PHLPP1: variants seen among roughly 807,000 people sequenced by gnomAD.
The protein encoded by PHLPP1 is PH domain and leucine rich repeat protein phosphatase 1, also known as PH domain leucine-rich repeat-containing protein phosphatase 1.
Under a neutral mutation model 117.2 loss-of-function variants are expected in PHLPP1, and 42 were observed. That is an observed-to-expected ratio of 0.36 (90% CI 0.28 to 0.46). The LOEUF (loss-of-function observed/expected upper bound fraction) is 0.46, where lower values mean the gene tolerates loss of function less well. Ranked by LOEUF, PHLPP1 falls within the 20% of genes least tolerant of loss-of-function variation. PHLPP1 has a pLI of 1.00. For missense variants in PHLPP1, 2,084 were observed against 2,241.9 expected (o/e 0.93, Z 1.42); for synonymous variants, 1,042 against 970.7 (o/e 1.07, Z -1.37).
At chr18:62,825,156 G>A (rs184508106) in intron 1 of PHLPP1, among the ~76,000 whole-genome samples, 5 of 151,132 alleles carry the variant, frequency 3.3e-5, no homozygotes, top group Admixed American at 6.6e-5. Flanking sequence ...ACGGGGTTTC[G>A]CCATCTTGGC....
chr18:62,978,192 G>T lies in PHLPP1; in HGVS notation c.3985-70G>T, dbSNP rs550750812. On this transcript the variant is annotated intron_variant, in intron 16 of 16. Transcript: ENST00000262719. This position sits in a 1 kb window ranked among gnomAD's most constrained non-coding sequence, Gnocchi z 7.0. ...TACAGTCGAGACAGTCGAGGGACCC[G>T]CAGGGAACCTGCACAGTTGCCGCAG... The T allele has an allele frequency of 8.2e-5, 73 of 888,502 alleles. No individual in the cohort carries two copies. Among genetic ancestry groups the T allele is most frequent in the Non-Finnish European group, 1.1e-4 (65 of 569,474 alleles). The allele number at this position is 888,502 out of a possible 1,614,324, so 55.0% of individuals were successfully genotyped here.
At chr18:62,866,026 C>A (rs1470821879) in intron 4 of PHLPP1, among the ~76,000 whole-genome samples, 2 of 152,050 alleles carry the variant, frequency 1.3e-5, no homozygotes, top group East Asian at 3.9e-4. Flanking sequence ...TAGCTTTGAA[C>A]TTAAAATAAA....
chr18:62,890,453 A>G (rs1045937877), intron 4 of PHLPP1, among the ~76,000 whole-genome samples: 2 of 151,910 alleles, frequency 1.3e-5, no homozygotes, highest in African/African-American at 4.8e-5. Flanking sequence ...TTTAGTAGAG[A>G]TGGGGTCTCA....
At chr18:62,963,222 A>C in intron 13 of PHLPP1, 146 bp from the exon 14 acceptor site, 2 of 556,102 alleles carry the variant, frequency 3.6e-6, no homozygotes, top group East Asian at 3.0e-5. Flanking sequence ...CTTGTTGCTG[A>C]TAAGTATTTC....
intron 1 of PHLPP1, among the ~76,000 whole-genome samples, chr18:62,803,946 A>G (rs530254452): frequency 2.0e-5 from 3 of 152,080 alleles, no homozygotes; most frequent in Admixed American, 1.3e-4. Flanking sequence ...TAAGATTTTT[A>G]TTGGTTCTAT....
At chr18:62,809,561 G>T (rs1213378959) in intron 1 of PHLPP1, among the ~76,000 whole-genome samples, 1 of 152,112 alleles carries the variant, frequency 6.6e-6, no homozygotes, top group Non-Finnish European at 1.5e-5. Flanking sequence ...AATTAGCTGG[G>T]CGTGGTGGTG....
chr18:62,738,384 C>A (rs1259727199), intron 1 of PHLPP1, among the ~76,000 whole-genome samples: 1 of 151,862 alleles, frequency 6.6e-6, no homozygotes, highest in African/African-American at 2.4e-5. Context: ...AACAAAGCAA[C>A]AATGCAACAA....
At chr18:62,897,213 A>T (rs1008575374) in intron 6 of PHLPP1, among the ~76,000 whole-genome samples, 1 of 152,166 alleles carries the variant, frequency 6.6e-6, no homozygotes, top group Non-Finnish European at 1.5e-5. Context: ...ATGTAGGGAG[A>T]CATCATTTTT....
intron 4 of PHLPP1, among the ~76,000 whole-genome samples, chr18:62,894,561 T>G (rs1036975286): frequency 6.6e-6 from 1 of 152,220 alleles, no homozygotes; most frequent in Admixed American, 6.5e-5. Context: ...ATTGTTTTGA[T>G]AAGTTTTTAT....
chr18:62,766,076 A>AAAAAAAAAAT, intron 1 of PHLPP1, among the ~76,000 whole-genome samples: 4 of 21,646 alleles, frequency 1.8e-4, no homozygotes, highest in Non-Finnish European at 2.5e-4. Context: ...AAAAAAAAAA[A>AAAAAAAAAAT]ATATATATAT....
chr18:62,867,103 A>G (rs181710335), intron 4 of PHLPP1, among the ~76,000 whole-genome samples: 1 of 152,242 alleles, frequency 6.6e-6, no homozygotes, highest in East Asian at 1.9e-4. Flanking sequence ...ATTTTTAAAG[A>G]TCTTAATAAG....
At chr18:62,855,434 G>C (rs183411323) in intron 3 of PHLPP1, among the ~76,000 whole-genome samples, 47 of 152,254 alleles carry the variant, frequency 3.1e-4, no homozygotes, top group African/African-American at 1.1e-3. Flanking sequence ...AACTCTTTGT[G>C]ATAGAGCCCT....
chr18:62,824,923 A>G (rs899320905), intron 1 of PHLPP1, among the ~76,000 whole-genome samples: 1 of 150,334 alleles, frequency 6.7e-6, no homozygotes. Flanking sequence ...AAATGAGCCA[A>G]TATATATACT....
In PHLPP1 at chr18:62,929,404, G is replaced by A. The variant is rs532565258; in HGVS notation, c.2960+9290G>A. Among the ~76,000 whole-genome samples, 14 of 152,198 alleles carry A rather than the reference G, an allele frequency of 9.2e-5. No homozygotes were observed. In the South Asian group the frequency reaches 2.9e-3, roughly 32 times the overall value. Reference sequence around the variant, plus strand: ...ATTCATTGTATTAGTCAACATTTTAGGTGCTCAGTAGCCACATGTAATAGT... The same window carrying A: ...ATTCATTGTATTAGTCAACATTTTAAGTGCTCAGTAGCCACATGTAATAGT... On this transcript the variant is annotated intron_variant, in intron 10 of 16. Coordinates refer to ENST00000262719, the MANE Select transcript of PHLPP1 (RefSeq NM_194449.4).
chr18:62,747,375 C>T (rs1479830293), intron 1 of PHLPP1, among the ~76,000 whole-genome samples: 1 of 150,680 alleles, frequency 6.6e-6, no homozygotes, highest in African/African-American at 2.4e-5. Flanking sequence ...ACCTCCACCT[C>T]CTGAGTTCAG....
chr18:62,746,025 G>A (rs1911662710), intron 1 of PHLPP1, among the ~76,000 whole-genome samples: 1 of 152,148 alleles, frequency 6.6e-6, no homozygotes, highest in South Asian at 2.1e-4. Flanking sequence ...TATATAAGTG[G>A]AGGAAGATGG....
intron 14 of PHLPP1, among the ~76,000 whole-genome samples, chr18:62,964,478 A>C (rs1054982165): frequency 3.3e-5 from 5 of 152,190 alleles, no homozygotes; most frequent in Admixed American, 1.3e-4. Flanking sequence ...GCATCAACTC[A>C]AATTCTGGAT....
intron 10 of PHLPP1, 88 bp downstream of exon 10, chr18:62,920,202 C>T (rs552502291): frequency 2.0e-5 from 24 of 1,225,520 alleles, no homozygotes; most frequent in African/African-American, 1.5e-4. Flanking sequence ...ACTGTATAAA[C>T]TTTCTGAGTA....
chr18:62,925,670 C>A (rs145807023), intron 10 of PHLPP1, among the ~76,000 whole-genome samples: 1 of 150,142 alleles, frequency 6.7e-6, no homozygotes, highest in Non-Finnish European at 1.5e-5. Context: ...TTTTCAGTGA[C>A]GAGGGCTATC....
Sources: allele counts gnomAD v4.1 joint callset (sites outside exome capture counted in the v4.1 genomes callset), GRCh38; gene constraint gnomAD v4.1.1; non-coding constraint Gnocchi (gnomAD v3.1); transcripts MANE v1.5; gene names NCBI Gene and HGNC (gene_info 2026-07-23, HGNC 2026-07-21).